GRK7: variants seen among roughly 807,000 people sequenced by gnomAD.
GRK7 encodes G protein-coupled receptor kinase 7.
In GRK7, 24 loss-of-function variants were observed where a neutral mutation model predicts 34.1. The observed-to-expected ratio is 0.70, with a 90% CI of 0.51 to 0.99. GRK7 has a LOEUF of 0.99. Among genes scored for constraint, GRK7 ranks in the 50% least tolerant of loss-of-function variants. GRK7 has a pLI of 0.00. For missense variants in GRK7, 644 were observed against 707.3 expected (o/e 0.91, Z 1.02); for synonymous variants, 256 against 279.4 (o/e 0.92, Z 0.84).
chr3:141,806,769 A>T (rs1057153624), intron 4 of GRK7, among the ~76,000 whole-genome samples: 1 of 151,978 alleles, frequency 6.6e-6, no homozygotes, highest in Admixed American at 6.6e-5. Flanking sequence ...ATGAGTGTAA[A>T]TTATCGGTTT....
At chr3:141,794,083 A>T (rs192005268) in intron 4 of GRK7, among the ~76,000 whole-genome samples, 3 of 151,988 alleles carry the variant, frequency 2.0e-5, no homozygotes, top group Non-Finnish European at 4.4e-5. Context: ...TGGGGGTAGA[A>T]GTGGGAGGTG....
chr3:141,794,819 G>T (rs1278414854), intron 4 of GRK7, among the ~76,000 whole-genome samples: 4 of 152,068 alleles, frequency 2.6e-5, no homozygotes, highest in African/African-American at 9.7e-5. Flanking sequence ...TTGGATACGG[G>T]GTTAAGGGAG....
intron 5 of GRK7, among the ~76,000 whole-genome samples, chr3:141,808,205 A>G (rs1711056200): frequency 6.6e-6 from 1 of 152,226 alleles, no homozygotes; most frequent in African/African-American, 2.4e-5. Flanking sequence ...AGAATATTTC[A>G]AGGAATTTAT....
intron 4 of GRK7, among the ~76,000 whole-genome samples, chr3:141,804,458 C>T (rs938241521): frequency 3.3e-5 from 5 of 152,194 alleles, no homozygotes; most frequent in Non-Finnish European, 7.3e-5. Context: ...CTTGCACATG[C>T]TCATTACCTG....
Position 141,778,180 on chromosome 3 carries a change from A to G in GRK7, c.-105A>G, listed in dbSNP as rs1002306047. 6 of 1,394,166 alleles carry G rather than the reference A, an allele frequency of 4.3e-6. No homozygotes were observed. In the African/African-American group the frequency reaches 8.7e-5, roughly 20 times the overall value. 86.4% of individuals were successfully genotyped at this position (1,394,166 alleles called of 1,614,324 possible). On this transcript the variant is annotated 5_prime_UTR_variant, in exon 3 of 6. Transcript: ENST00000682958. This position sits in a 1 kb window ranked among gnomAD's most constrained non-coding sequence, Gnocchi z 4.1. ...ACGGGTCCCACCCACAGGCCACAGG[A>G]CTCACTGTAAATCCCTTGGACGTTG...
At chr3:141,751,776 C>T in the GRK7 span, among the ~76,000 whole-genome samples, 1 of 152,192 alleles carries the variant, frequency 6.6e-6, no homozygotes, top group Non-Finnish European at 1.5e-5. Flanking sequence ...CATGGTTATA[C>T]TAGCCACATT....
At position 141,807,855 on chromosome 3, in the gene GRK7, G is replaced by C; in HGVS notation, c.1261G>C (p.Glu421Gln). The stretch of plus-strand genomic sequence containing the variant: ...CAAATTCCAGCATGATAACTTCACA[G>C]AGGAAGCAAAAGATATTTGCAGGCT... ...EVKFQHDNFTEEAKDICRLFL... is the reference protein window; with the variant it reads ...EVKFQHDNFTQEAKDICRLFL... Residue 421 changes from glutamate to glutamine, a missense_variant, in exon 5 of 6, where the codon GAG becomes CAG. Physicochemically the swap from Glu to Gln is conservative, Grantham distance 29 (BLOSUM62 2). Coordinates refer to ENST00000682958, the MANE Select transcript of GRK7 (RefSeq NM_139209.3). The C allele has an allele frequency of 6.2e-7, 1 of 1,612,394 alleles. No homozygotes were observed. Among genetic ancestry groups the C allele is most frequent in the South Asian group, 1.1e-5 (1 of 90,932 alleles).
At chr3:141,759,450 G>T (rs2107867188), upstream of GRK7, among the ~76,000 whole-genome samples, 1 of 130,340 alleles carries the variant, frequency 7.7e-6, no homozygotes, top group East Asian at 2.3e-4. Flanking sequence ...TTATATGCTG[G>T]ATTACATTTA....
intron 5 of GRK7, among the ~76,000 whole-genome samples, chr3:141,808,415 T>C (rs539283559): frequency 3.6e-4 from 55 of 152,248 alleles, no homozygotes; most frequent in African/African-American, 1.1e-3. Context: ...GTCGAATTCA[T>C]AGAGACAGAA....
At chr3:141,751,723 A>G in the GRK7 span, among the ~76,000 whole-genome samples, 2 of 152,242 alleles carry the variant, frequency 1.3e-5, no homozygotes, top group African/African-American at 4.8e-5. Flanking sequence ...ACATGTAGCT[A>G]TGTAAAATTT....
At chr3:141,773,117 C>T (rs1024279379) in intron 1 of GRK7, among the ~76,000 whole-genome samples, 1 of 127,042 alleles carries the variant, frequency 7.9e-6, no homozygotes, top group African/African-American at 3.1e-5. Flanking sequence ...GCCTGGCCAA[C>T]AGAGCGAGAC....
intron 4 of GRK7, among the ~76,000 whole-genome samples, chr3:141,785,977 G>C (rs1036189440): frequency 6.6e-6 from 1 of 151,034 alleles, no homozygotes; most frequent in African/African-American, 2.4e-5. Context: ...TTTCCTCCTT[G>C]TCACAAGTGG....
At chr3:141,784,635 G>GA (rs567135765) in intron 4 of GRK7, among the ~76,000 whole-genome samples, 134 of 151,846 alleles carry the variant, frequency 8.8e-4, no homozygotes, top group African/African-American at 3.0e-3. Flanking sequence ...ACATTTCACA[G>GA]AAAAAAAAGA....
intron 4 of GRK7, among the ~76,000 whole-genome samples, chr3:141,797,641 T>G (rs1229952310): frequency 6.6e-6 from 1 of 152,068 alleles, no homozygotes; most frequent in Non-Finnish European, 1.5e-5. Context: ...TGTGATGAGC[T>G]GGGGGAAGAG....
chr3:141,771,499 TAGAG>T (rs911528492), intron 1 of GRK7, among the ~76,000 whole-genome samples: 4 of 151,532 alleles, frequency 2.6e-5, no homozygotes, highest in Admixed American at 2.6e-4. Flanking sequence ...AGAAATTACT[TAGAG>T]AGTAGAATAA....
At chr3:141,799,481 G>A (rs1016145068) in intron 4 of GRK7, among the ~76,000 whole-genome samples, 5 of 151,988 alleles carry the variant, frequency 3.3e-5, no homozygotes, top group African/African-American at 1.2e-4. Flanking sequence ...GCGTGGTGGT[G>A]AGCGCCTGTA....
chr3:141,762,401 G>T (rs972997929), upstream of GRK7, among the ~76,000 whole-genome samples: 2 of 145,354 alleles, frequency 1.4e-5, no homozygotes, highest in Admixed American at 7.0e-5. Flanking sequence ...GCCCCTGCTG[G>T]GGGGTGCCTC....
At chr3:141,810,327 CCTCT>C (rs775463520) in intron 5 of GRK7, among the ~76,000 whole-genome samples, 14 of 22,986 alleles carry the variant, frequency 6.1e-4, no homozygotes, top group African/African-American at 2.8e-3. Context: ...TTCCTCTCTC[CCTCT>C]CTCTCTCTCT....
upstream of GRK7, among the ~76,000 whole-genome samples, chr3:141,760,006 C>T: frequency 2.3e-5 from 2 of 85,702 alleles, no homozygotes; most frequent in Non-Finnish European, 4.5e-5. Flanking sequence ...GGTGATATCC[C>T]CTTTATCATT....
Sources: gnomAD v4.1 joint callset for allele counts (sites outside exome capture counted in the v4.1 genomes callset) on GRCh38, gnomAD v4.1.1 for gene constraint, Gnocchi (gnomAD v3.1) non-coding constraint, MANE v1.5 for transcripts, NCBI Gene and HGNC (gene_info 2026-07-23, HGNC 2026-07-21) for gene names.